BAIAP2: variants seen among roughly 807,000 people sequenced by gnomAD.
BAIAP2 encodes the protein BAR/IMD domain-containing adapter protein 2.
In BAIAP2, 18 loss-of-function variants were observed where a neutral mutation model predicts 63.0. The ratio of observed to expected loss-of-function variants is 0.29; its 90% CI spans 0.20 to 0.42. The LOEUF is 0.42. Ranked by LOEUF, BAIAP2 falls within the 10% of genes least tolerant of loss-of-function variation. The probability of loss-of-function intolerance (pLI) is 1.00; values close to 1 mark genes in which losing one functional copy is unlikely to be tolerated. For synonymous variants in BAIAP2, 386 were observed against 307.6 expected (o/e 1.25, Z -2.67); for missense variants, 610 against 734.3 (o/e 0.83, Z 1.96).
intron 1 of BAIAP2, chr17:81,036,746 A>G: frequency 1.1e-6 from 1 of 873,160 alleles, no homozygotes. Context: ...TTGGTTTCAC[A>G]GAGTCTGTGG....
intron 3 of BAIAP2, among the ~76,000 whole-genome samples, chr17:81,070,948 C>T (rs887274854): frequency 3.9e-5 from 6 of 152,194 alleles, no homozygotes; most frequent in East Asian, 1.9e-4. Flanking sequence ...AAGGCAGCCT[C>T]GGCCTCTGCT....
intron 3 of BAIAP2, among the ~76,000 whole-genome samples, chr17:81,074,720 CTGTG>C (rs569359988): frequency 7.9e-5 from 11 of 138,374 alleles, no homozygotes; most frequent in Non-Finnish European, 1.4e-4. Context: ...GTCTGTGCGT[CTGTG>C]TGCGTGCACA....
chr17:81,067,770 C>T (rs1228231129), intron 3 of BAIAP2, among the ~76,000 whole-genome samples: 1 of 152,226 alleles, frequency 6.6e-6, no homozygotes, highest in African/African-American at 2.4e-5. Context: ...CACGCCACAG[C>T]GTCAGGCCTC....
chr17:81,101,455 A>T (rs1001754474), intron 7 of BAIAP2, among the ~76,000 whole-genome samples: 1 of 152,150 alleles, frequency 6.6e-6, no homozygotes, highest in African/African-American at 2.4e-5. Context: ...ATGGGATCAC[A>T]TGTGTCCCCT....
At chr17:81,107,845 G>C (rs932126367) in intron 12 of BAIAP2, 2 of 153,172 alleles carry the variant, frequency 1.3e-5, no homozygotes, top group African/African-American at 2.4e-5. Flanking sequence ...GCTCTGGGCC[G>C]TGGGTGTTCC....
At chr17:81,069,542 G>T (rs1568110147) in intron 3 of BAIAP2, among the ~76,000 whole-genome samples, 3 of 152,236 alleles carry the variant, frequency 2.0e-5, no homozygotes, top group Non-Finnish European at 1.5e-5. Context: ...TCCAGGGCTG[G>T]CTTCAAGGAC....
At chr17:81,102,548 A>G (rs927780172) in intron 7 of BAIAP2, among the ~76,000 whole-genome samples, 4 of 152,368 alleles carry the variant, frequency 2.6e-5, no homozygotes, top group Non-Finnish European at 4.4e-5. Flanking sequence ...GTGTTGCAAT[A>G]AAACTTTATT....
Position 81,037,023 on chromosome 17 carries a change from C to G in BAIAP2, c.54+1715C>G, listed in dbSNP as rs77700727. The G allele has an allele frequency of 5.5e-4, 772 of 1,406,076 alleles. 11 individuals are homozygous for G. In the East Asian group the frequency reaches 0.019, roughly 34 times the overall value. 87.1% of individuals were successfully genotyped at this position (1,406,076 alleles called of 1,614,324 possible). On this transcript the variant is annotated intron_variant, in intron 1 of 13. Coordinates refer to ENST00000428708, the MANE Select transcript of BAIAP2 (RefSeq NM_001144888.2). ...CCCCGTGATCGTCCTTAATAAAACT[C>G]TCCTAACCGGGCAGTAGGCCTTCAC... is the stretch of plus-strand genomic sequence containing the variant.
rs117039882 is a variant in BAIAP2, at chr17:81,040,751, T to C, written c.54+5443T>C. Among the ~76,000 whole-genome samples, 370 of 152,272 alleles carry C rather than the reference T, an allele frequency of 2.4e-3. 1 individual carries two copies. Among genetic ancestry groups the C allele is most frequent in the Non-Finnish European group, 4.4e-3 (302 of 68,014 alleles). ...TGGTGGCAGCTCACACCACATGCAG[T>C]TGGAATCCCTGTTTCCCAGGGCTGT... On this transcript the variant is annotated intron_variant, in intron 1 of 13. Transcript: ENST00000428708.
chr17:81,053,461 A>T, intron 1 of BAIAP2: 2 of 600,594 alleles, frequency 3.3e-6, no homozygotes, highest in Non-Finnish European at 3.0e-6. Context: ...ACAGGTGTGA[A>T]AACCGAGGCT....
intron 3 of BAIAP2, among the ~76,000 whole-genome samples, chr17:81,074,057 G>T (rs2053188924): frequency 1.3e-5 from 2 of 152,254 alleles, no homozygotes; most frequent in African/African-American, 4.8e-5. Context: ...TCAGGGAGGA[G>T]CTTGTCAATG....
Position 81,106,121 on chromosome 17 carries a change from G to A in BAIAP2, c.1312G>A (p.Asp438Asn), listed in dbSNP as rs762712608. 14 of 1,584,364 alleles carry A rather than the reference G, an allele frequency of 8.8e-6. No individual in the cohort carries two copies. Among genetic ancestry groups the A allele is most frequent in the Middle Eastern group, 1.7e-4 (1 of 6,030 alleles). ...CTCCTACACCCGGGTCTTGGACAGC[G>A]ATGGCAGTGACAGGCTGCACATGAG... The part of the protein sequence containing the change: ...PFSYTRVLDS[D>N]GSDRLHMSLQ... Residue 438 changes from aspartate (D) to asparagine (N), a missense_variant, in exon 11 of 14, where the codon GAT becomes AAT. This residue lies in a region of BAIAP2 where 29 missense variants were observed against 23.2 expected (regional missense o/e 1.25). Transcript: ENST00000428708.
intron 7 of BAIAP2, among the ~76,000 whole-genome samples, chr17:81,102,513 A>G (rs1422416422): frequency 6.6e-6 from 1 of 152,248 alleles, no homozygotes; most frequent in African/African-American, 2.4e-5. Context: ...CCATGAATGA[A>G]TGATTCACAA....
At chr17:81,094,595 C>T (rs569330215) in intron 6 of BAIAP2, among the ~76,000 whole-genome samples, 2 of 152,282 alleles carry the variant, frequency 1.3e-5, no homozygotes, top group Admixed American at 1.3e-4. Flanking sequence ...TTGCTCAGAG[C>T]ACGTGTGTTC....
Position 81,108,626 on chromosome 17 carries a change from C to T in BAIAP2, c.1535+117C>T, listed in dbSNP as rs542599376. 1.5e-4 allele frequency: 202 copies of T among 1,335,250 alleles called. No individual in the cohort carries two copies. The African/African-American group carries it at 2.6e-3, about 17-fold the overall frequency. 82.7% of individuals were successfully genotyped at this position (1,335,250 alleles called of 1,614,324 possible). ...TCTTTTCCTTTAGGGCCCAGCCTGGCCCTTCACCCCTGTCAGAGCCGGGGA... is the reference window on the plus strand; with the variant it reads ...TCTTTTCCTTTAGGGCCCAGCCTGGTCCTTCACCCCTGTCAGAGCCGGGGA... On this transcript the variant is annotated intron_variant, in intron 13 of 13. Coordinates refer to ENST00000428708, the MANE Select transcript of BAIAP2 (RefSeq NM_001144888.2).
At chr17:81,062,577 G>T (rs1295029723) in intron 3 of BAIAP2, among the ~76,000 whole-genome samples, 1 of 152,020 alleles carries the variant, frequency 6.6e-6, no homozygotes, top group Non-Finnish European at 1.5e-5. Context: ...CTGCTCGGCC[G>T]TGCAGAGTCA....
At chr17:81,073,551 C>T (rs994357707) in intron 3 of BAIAP2, among the ~76,000 whole-genome samples, 4 of 152,076 alleles carry the variant, frequency 2.6e-5, no homozygotes, top group African/African-American at 9.7e-5. Context: ...ATTTGGGGAC[C>T]CTCGGGCAGG....
At chr17:81,104,131 G>A (rs1344684560) in intron 9 of BAIAP2, 23 bp downstream of exon 9, 1 of 1,611,360 alleles carries the variant, frequency 6.2e-7, no homozygotes, top group Non-Finnish European at 8.5e-7. Flanking sequence ...CTGGGGTGTT[G>A]GGCTGGGGTC....
chr17:81,044,281 T>C (rs1036379312), intron 1 of BAIAP2, among the ~76,000 whole-genome samples: 1 of 152,202 alleles, frequency 6.6e-6, no homozygotes, highest in Non-Finnish European at 1.5e-5. Flanking sequence ...GCCTCGGGGA[T>C]TCTTGCAGGC....
Sources: gnomAD v4.1 joint callset for allele counts (sites outside exome capture counted in the v4.1 genomes callset) on GRCh38, gnomAD v4.1.1 for gene constraint, gnomAD v4.1.1 regional missense constraint, MANE v1.5 for transcripts, NCBI Gene and HGNC (gene_info 2026-07-23, HGNC 2026-07-21) for gene names.